Variants in UPP2 observed in about 807,000 individuals in gnomAD.
The protein encoded by UPP2 is UPase 2.
Under a neutral mutation model 26.7 loss-of-function variants are expected in UPP2, and 23 were observed. That is an observed-to-expected ratio of 0.86 (90% CI 0.62 to 1.22). UPP2 has a LOEUF of 1.22. Among genes scored for constraint, UPP2 ranks in the 50% most tolerant of loss-of-function variants. The probability of loss-of-function intolerance (pLI) is 0.00; values close to 1 mark genes in which losing one functional copy is unlikely to be tolerated. For synonymous variants in UPP2, 127 were observed against 141.3 expected, an observed-to-expected ratio of 0.90 and a Z score of 0.72; for missense variants, 387 against 396.7, an observed-to-expected ratio of 0.98 and a Z score of 0.21.
At chr2:158,005,947 C>T (rs1683480638) in intron 2 of UPP2, among the ~76,000 whole-genome samples, 1 of 152,128 alleles carries the variant, frequency 6.6e-6, no homozygotes, top group Admixed American at 6.5e-5. Context: ...CCTTCTCTAT[C>T]CTGAGGCGTG....
chr2:158,109,370 A>G (rs1030331544), intron 2 of UPP2, among the ~76,000 whole-genome samples: 28 of 152,216 alleles, frequency 1.8e-4, no homozygotes, highest in Admixed American at 1.3e-3. Flanking sequence ...GCTTAATACA[A>G]TTTAAGTTTA....
intron 3 of UPP2, among the ~76,000 whole-genome samples, chr2:158,054,454 T>C (rs937771934): frequency 6.6e-6 from 1 of 151,826 alleles, no homozygotes; most frequent in African/African-American, 2.4e-5. Context: ...AATTAATGTA[T>C]TTCTCTATGT....
chr2:158,073,594 G>A (rs920289222), intron 3 of UPP2, among the ~76,000 whole-genome samples: 3 of 152,114 alleles, frequency 2.0e-5, no homozygotes, highest in Admixed American at 2.0e-4. Context: ...AAAACAGCAA[G>A]AGAAAAGAAA....
At chr2:158,064,235 C>T (rs1202203545) in intron 3 of UPP2, among the ~76,000 whole-genome samples, 3 of 152,216 alleles carry the variant, frequency 2.0e-5, no homozygotes, top group Admixed American at 2.0e-4. Flanking sequence ...GTTTCTATTT[C>T]TCCACATCCT....
At chr2:158,061,795 A>G (rs759150507) in intron 3 of UPP2, among the ~76,000 whole-genome samples, 1 of 152,226 alleles carries the variant, frequency 6.6e-6, no homozygotes, top group Non-Finnish European at 1.5e-5. Flanking sequence ...CCCTTGGCCT[A>G]TGTGTCTCAG....
At chr2:158,123,114 G>A (rs1368697419) in intron 5 of UPP2, among the ~76,000 whole-genome samples, 3 of 152,160 alleles carry the variant, frequency 2.0e-5, no homozygotes, top group Non-Finnish European at 4.4e-5. Flanking sequence ...GGTACGGAAG[G>A]AGTAATGACA....
At chr2:158,102,962 A>G (rs1038609951) in intron 1 of UPP2, among the ~76,000 whole-genome samples, 5 of 152,252 alleles carry the variant, frequency 3.3e-5, no homozygotes, top group African/African-American at 1.2e-4. Flanking sequence ...CCAATATTTA[A>G]TACTCATCAT....
chr2:158,089,418 A>G (rs944298957), intron 3 of UPP2, among the ~76,000 whole-genome samples: 3 of 152,186 alleles, frequency 2.0e-5, no homozygotes, highest in African/African-American at 7.2e-5. Context: ...TGGTTTAGAA[A>G]GCAAGCAGGG....
At chr2:158,015,897 T>C (rs150237378) in intron 3 of UPP2, 4,885 of 438,706 alleles carry the variant, frequency 0.011, 185 homozygotes, top group African/African-American at 0.09. Context: ...GTGAGTCAAT[T>C]AAACCTCTTT....
chr2:158,086,467 AT>A (rs981401295), intron 3 of UPP2, among the ~76,000 whole-genome samples: 8 of 150,860 alleles, frequency 5.3e-5, no homozygotes, highest in Non-Finnish European at 1.0e-4. Flanking sequence ...TATCTTTTGT[AT>A]TTTTTTTGTT....
At chr2:158,012,211 A>G (rs1410729290) in intron 2 of UPP2, among the ~76,000 whole-genome samples, 1 of 151,848 alleles carries the variant, frequency 6.6e-6, no homozygotes, top group Non-Finnish European at 1.5e-5. Flanking sequence ...TAAGAACAGA[A>G]TAAGCATGAG....
intron 3 of UPP2, among the ~76,000 whole-genome samples, chr2:158,023,233 G>T (rs73968534): frequency 0.026 from 3,812 of 146,512 alleles, 273 homozygotes; most frequent in African/African-American, 0.089. Context: ...TGTCAGTTGG[G>T]GGGGGGCATT....
chr2:158,020,490 G>A (rs1489906822), intron 3 of UPP2, among the ~76,000 whole-genome samples: 1 of 152,156 alleles, frequency 6.6e-6, no homozygotes. Flanking sequence ...TTGCCAAAAA[G>A]GAGAAATTGA....
intron 3 of UPP2, among the ~76,000 whole-genome samples, chr2:158,092,237 C>A (rs534780184): frequency 1.3e-5 from 2 of 152,164 alleles, no homozygotes; most frequent in East Asian, 3.9e-4. Flanking sequence ...CAGGTTTTTT[C>A]ATAATTTGGA....
chr2:158,043,270 C>T (rs1684105635), intron 3 of UPP2, among the ~76,000 whole-genome samples: 4 of 152,168 alleles, frequency 2.6e-5, no homozygotes, highest in Admixed American at 2.6e-4. Flanking sequence ...CTGGGAACAC[C>T]TTCTGCAGGC....
chr2:158,079,589 T>C (rs145563907), intron 3 of UPP2, among the ~76,000 whole-genome samples: 9 of 152,282 alleles, frequency 5.9e-5, no homozygotes, highest in Non-Finnish European at 1.3e-4. Context: ...TAAAAGGCGA[T>C]TAAATCATAC....
rs548845219 is a variant in UPP2, at chr2:158,090,707, A to G, written c.148-11333A>G. 3.9e-5 allele frequency among the ~76,000 whole-genome samples: 6 copies of G among 152,338 alleles called. No individual in the cohort carries two copies. The East Asian group carries it at 1.2e-3, about 29-fold the overall frequency. ...CACATGGACAACTTTCCTAACAGAC[A>G]TAAAAGGAGTATTGTCTAAAGGCTA... is the stretch of plus-strand genomic sequence containing the variant. On this transcript the variant is annotated intron_variant, in intron 3 of 9. Coordinates refer to the UPP2 transcript ENST00000605860.
At chr2:158,126,896 C>T (rs1403182607) in intron 6 of UPP2, 5 of 152,266 alleles carry the variant, frequency 3.3e-5, no homozygotes, top group Admixed American at 6.5e-5. Context: ...TCTCTCCAGA[C>T]AGCCTTCTGA....
intron 3 of UPP2, among the ~76,000 whole-genome samples, chr2:158,039,113 G>A (rs976023917): frequency 6.6e-6 from 1 of 152,188 alleles, no homozygotes; most frequent in African/African-American, 2.4e-5. Context: ...AAAAATATTT[G>A]GGTGCGTGAC....
Sources: allele counts gnomAD v4.1 joint callset (sites outside exome capture counted in the v4.1 genomes callset), GRCh38; gene constraint gnomAD v4.1.1; transcripts MANE v1.5; gene names NCBI Gene and HGNC (gene_info 2026-07-23, HGNC 2026-07-21).